The following ZNF582 variants were observed in gnomAD, a reference collection of about 807,000 sequenced individuals.
ZNF582 encodes the protein zinc finger protein 582.
ZNF582 carries 14 observed loss-of-function variants against 12.3 expected under a neutral mutation model. The observed-to-expected ratio is 1.14, with a 90% CI of 0.75 to 1.78. ZNF582 has a LOEUF of 1.78. Among genes scored for constraint, ZNF582 ranks in the 40% most tolerant of loss-of-function variants. The probability of loss-of-function intolerance (pLI) is 0.00; values close to 1 mark genes in which losing one functional copy is unlikely to be tolerated. For missense variants in ZNF582, 567 were observed against 616.5 expected, an observed-to-expected ratio of 0.92 and a Z score of 0.85; for synonymous variants, 210 against 207.2, an observed-to-expected ratio of 1.01 and a Z score of -0.11.
chr19:56,383,547 G>T (rs1199007373), exon 5 of ZNF582: 2 of 207,922 alleles, frequency 9.6e-6, no homozygotes, highest in Non-Finnish European at 1.9e-5. Context: ...GTAATTGCAT[G>T]ATTTCTTTGT....
chr19:56,391,314 A>C (rs995204018), intron 2 of ZNF582, among the ~76,000 whole-genome samples: 1 of 152,210 alleles, frequency 6.6e-6, no homozygotes, highest in Non-Finnish European at 1.5e-5. Flanking sequence ...TCTGGCATCA[A>C]ATTTTTGATG....
At chr19:56,389,877 CAACACG>C in intron 4 of ZNF582, 118 bp downstream of exon 4, 2 of 679,470 alleles carry the variant, frequency 2.9e-6, no homozygotes, top group Admixed American at 2.9e-5. Context: ...CTGAGGAAAA[CAACACG>C]TAAGACATAA....
At chr19:56,383,795 T>C (rs2041937884) in exon 5 of ZNF582, 35 of 1,480,644 alleles carry the variant, frequency 2.4e-5, no homozygotes, top group Non-Finnish European at 2.8e-5. Context: ...AATGAAGGCA[T>C]TGTCACTGGC....
intron 4 of ZNF582, among the ~76,000 whole-genome samples, chr19:56,385,534 T>A (rs1435925040): frequency 2.0e-5 from 3 of 152,006 alleles, no homozygotes; most frequent in Admixed American, 6.6e-5. Context: ...AAATAATTTT[T>A]AAAAATTAGC....
At chr19:56,389,508 A>C (rs2041997931) in intron 4 of ZNF582, among the ~76,000 whole-genome samples, 1 of 152,110 alleles carries the variant, frequency 6.6e-6, no homozygotes. Flanking sequence ...GACAACACAC[A>C]TGGGCCTTTC....
exon 5 of ZNF582, chr19:56,384,366 C>G: frequency 6.2e-7 from 1 of 1,606,658 alleles, no homozygotes; most frequent in Non-Finnish European, 8.5e-7. Flanking sequence ...AGAGTTGAGC[C>G]TTGATTAAAA....
intron 1 of ZNF582, among the ~76,000 whole-genome samples, chr19:56,392,870 G>A (rs1161685030): frequency 6.6e-6 from 1 of 152,174 alleles, no homozygotes; most frequent in Admixed American, 6.5e-5. Context: ...TAACGTGTAA[G>A]TGAAATAATT....
At chr19:56,390,912 T>C (rs2042009433) in intron 2 of ZNF582, among the ~76,000 whole-genome samples, 1 of 152,230 alleles carries the variant, frequency 6.6e-6, no homozygotes, top group African/African-American at 2.4e-5. Context: ...ATATTTTATT[T>C]TTTAAAATTA....
chr19:56,388,007 T>C (rs2041982337), intron 4 of ZNF582, among the ~76,000 whole-genome samples: 1 of 152,240 alleles, frequency 6.6e-6, no homozygotes, highest in South Asian at 2.1e-4. Context: ...TGATACTTTT[T>C]GGTTCATGTG....
At chr19:56,389,883 GT>G in intron 4 of ZNF582, 117 bp downstream of exon 4, 2 of 717,260 alleles carry the variant, frequency 2.8e-6, no homozygotes, top group Non-Finnish European at 4.7e-6. Context: ...AAAACAACAC[GT>G]AAGACATAAG....
intron 1 of ZNF582, 113 bp from the exon 2 acceptor site, chr19:56,391,945 G>T: frequency 1.1e-6 from 1 of 886,980 alleles, no homozygotes; most frequent in Non-Finnish European, 1.7e-6. Context: ...ATGAGAAGGA[G>T]GGGGAGGCAA....
chr19:56,387,752 T>G (rs1307884770), intron 4 of ZNF582: 1 of 152,222 alleles, frequency 6.6e-6, no homozygotes, highest in Non-Finnish European at 1.5e-5. Flanking sequence ...CATGAGTTAT[T>G]ACGCCTGGCT....
Position 56,384,686 on chromosome 19 carries a change from TG to T in ZNF582, c.730del (p.Gln244AsnfsTer27). The T allele has an allele frequency of 6.2e-7, 1 of 1,613,000 alleles. No individual in the cohort carries two copies. The highest frequency in any genetic ancestry group is 8.5e-7 in the Non-Finnish European group (1 of 1,179,574). The stretch of plus-strand genomic sequence containing the variant: ...CTCACCAGTATGAACTCTCTGATGT[TG>T]TATAAAATTTGAACCAGAATTGAAG... On this transcript the variant is annotated frameshift_variant, in exon 5 of 5. Transcript: ENST00000586929. LOFTEE classifies it low-confidence loss of function (END_TRUNC).
At chr19:56,389,226 TC>T (rs2147514801) in intron 4 of ZNF582, among the ~76,000 whole-genome samples, 1 of 152,360 alleles carries the variant, frequency 6.6e-6, no homozygotes, top group South Asian at 2.1e-4. Flanking sequence ...AAGGATAATG[TC>T]CACCTGCCTC....
chr19:56,384,435 G>C, exon 5 of ZNF582: 1 of 1,595,530 alleles, frequency 6.3e-7, no homozygotes, highest in South Asian at 1.1e-5. Flanking sequence ...GTCTGATGTT[G>C]AATCAACTGA....
chr19:56,383,691 C>T, exon 5 of ZNF582: 1 of 684,222 alleles, frequency 1.5e-6, no homozygotes, highest in South Asian at 5.8e-5. Flanking sequence ...CCCAACCTTT[C>T]CCAGCATTTT....
chr19:56,386,097 G>C (rs1482982915), intron 4 of ZNF582: 2 of 152,102 alleles, frequency 1.3e-5, no homozygotes, highest in African/African-American at 2.4e-5. Flanking sequence ...TGGTGAGCAC[G>C]GTAAATCTTG....
chr19:56,392,105 C>G (rs1401806906), intron 1 of ZNF582, among the ~76,000 whole-genome samples: 1 of 152,222 alleles, frequency 6.6e-6, no homozygotes, highest in Non-Finnish European at 1.5e-5. Flanking sequence ...GAGGGCTGTT[C>G]TAGTGACTGA....
chr19:56,388,901 G>A (rs888818357), intron 4 of ZNF582, among the ~76,000 whole-genome samples: 8 of 152,192 alleles, frequency 5.3e-5, no homozygotes, highest in African/African-American at 1.9e-4. Flanking sequence ...ATAAGCATGA[G>A]CCACCATGCC....
Sources: gnomAD v4.1 joint callset for allele counts (sites outside exome capture counted in the v4.1 genomes callset) on GRCh38, gnomAD v4.1.1 for gene constraint, MANE v1.5 for transcripts, NCBI Gene and HGNC (gene_info 2026-07-23, HGNC 2026-07-21) for gene names.